ACYP2: variants seen among roughly 807,000 people sequenced by gnomAD.
The protein encoded by ACYP2 is acylphosphatase-2.
ACYP2 carries 12 observed loss-of-function variants against 11.2 expected under a neutral mutation model. That is an observed-to-expected ratio of 1.08 (90% CI 0.69 to 1.74). The LOEUF (loss-of-function observed/expected upper bound fraction) is 1.74, where lower values mean the gene tolerates loss of function less well. ACYP2 is among the 40% of genes most tolerant of loss of function. The probability of loss-of-function intolerance (pLI) is 0.00; values close to 1 mark genes in which losing one functional copy is unlikely to be tolerated. For synonymous variants in ACYP2, 43 were observed against 32.2 expected (o/e 1.33, Z -1.13); for missense variants, 134 against 101.9 (o/e 1.31, Z -1.35).
chr2:54,044,006 G>A (rs925949086), intron 2 of ACYP2, among the ~76,000 whole-genome samples: 2 of 152,182 alleles, frequency 1.3e-5, no homozygotes, highest in Admixed American at 6.5e-5. Context: ...AGAAGAGCAA[G>A]GGAAAGGAGA....
rs75035311 is a variant in ACYP2, at chr2:54,187,316, T to C, written c.404+48568T>C. 8.0e-3 allele frequency among the ~76,000 whole-genome samples: 1,216 copies of C among 152,282 alleles called. 13 individuals are homozygous for C. Among genetic ancestry groups the C allele is most frequent in the African/African-American group, 0.028 (1,153 of 41,550 alleles). ...TCAGGGATGTCATTGGCGTGATCCA[T>C]GGTGGCAGGCCTTGGGGAACCCAAG... On this transcript the variant is annotated intron_variant, in intron 6 of 6. Transcript: ENST00000607452.
intron 2 of ACYP2, among the ~76,000 whole-genome samples, chr2:53,977,307 A>T (rs958984780): frequency 1.3e-5 from 2 of 152,058 alleles, no homozygotes; most frequent in Non-Finnish European, 2.9e-5. Flanking sequence ...AGCCTCCCAA[A>T]GCGCTGGAAT....
At chr2:54,158,393 A>G (rs575325818) in intron 6 of ACYP2, among the ~76,000 whole-genome samples, 3 of 151,426 alleles carry the variant, frequency 2.0e-5, no homozygotes, top group Admixed American at 1.3e-4. Flanking sequence ...TTTTGTAGAG[A>G]CGGGGTCTCA....
At chr2:54,022,025 T>G (rs879748805) in intron 2 of ACYP2, among the ~76,000 whole-genome samples, 1 of 152,182 alleles carries the variant, frequency 6.6e-6, no homozygotes, top group Admixed American at 6.5e-5. Flanking sequence ...ACCAGTGGTA[T>G]TACTGAGCTT....
At position 54,201,680 on chromosome 2, in the gene ACYP2, T is replaced by TTCTTTCTTTCTTTCTTTCTTTC. The variant is rs1395606887; in HGVS notation, c.404+62935_404+62936insTTCTTTCTTTCTTTCTTTCTCT. On this transcript the variant is annotated intron_variant, in intron 6 of 6. Transcript: ENST00000607452. Reference sequence around the variant, plus strand: ...TTTCTTTCTTTCTTTCTTTCTTTCTTTCTCTCTCTCTCTCTCTCTTTTTTC... The same window carrying TTCTTTCTTTCTTTCTTTCTTTC: ...TTTCTTTCTTTCTTTCTTTCTTTCTTTCTTTCTTTCTTTCTTTCTTTCTCTCTCTCTCTCTCTCTCTTTTTTC... 3.7e-4 allele frequency among the ~76,000 whole-genome samples: 40 copies of TTCTTTCTTTCTTTCTTTCTTTC among 107,354 alleles called. 1 individual carries two copies. Among genetic ancestry groups the TTCTTTCTTTCTTTCTTTCTTTC allele is most frequent in the Admixed American group, 7.2e-4 (8 of 11,122 alleles). 70.4% of individuals were successfully genotyped at this position (107,354 alleles called of 152,430 possible). A position where few individuals can be genotyped will look rare whatever the true frequency, so the allele number is the denominator to read the frequency against.
At chr2:54,271,376 T>G (rs565220364) in intron 6 of ACYP2, among the ~76,000 whole-genome samples, 1 of 152,212 alleles carries the variant, frequency 6.6e-6, no homozygotes, top group Non-Finnish European at 1.5e-5. Flanking sequence ...ATCACTATTG[T>G]AGAACCTACG....
intron 2 of ACYP2, among the ~76,000 whole-genome samples, chr2:54,044,604 T>C (rs1675418331): frequency 6.7e-6 from 1 of 148,982 alleles, no homozygotes; most frequent in Non-Finnish European, 1.5e-5. Flanking sequence ...TGCCCGCCCC[T>C]CTCAAAAAAA....
At chr2:54,122,640 T>C (rs1680228276) in intron 4 of ACYP2, among the ~76,000 whole-genome samples, 1 of 152,224 alleles carries the variant, frequency 6.6e-6, no homozygotes, top group Non-Finnish European at 1.5e-5. Context: ...TTTCTTTCTA[T>C]ATAGATATCT....
chr2:54,082,142 A>G (rs1042547173), intron 4 of ACYP2, among the ~76,000 whole-genome samples: 2 of 152,202 alleles, frequency 1.3e-5, no homozygotes, highest in Non-Finnish European at 2.9e-5. Flanking sequence ...GGGATGCAAT[A>G]TTAAGGATCT....
At chr2:54,065,425 A>C in intron 4 of ACYP2, 1 of 398,560 alleles carries the variant, frequency 2.5e-6, no homozygotes. Flanking sequence ...AACTTGTTGG[A>C]GTTGGATGAC....
At chr2:53,994,069 G>C (rs766140444) in intron 2 of ACYP2, among the ~76,000 whole-genome samples, 13 of 151,994 alleles carry the variant, frequency 8.6e-5, no homozygotes, top group African/African-American at 2.9e-4. Flanking sequence ...AGTGGCTCAC[G>C]CCTGTAATCC....
chr2:54,159,501 C>T (rs542844790), intron 6 of ACYP2, among the ~76,000 whole-genome samples: 2 of 151,992 alleles, frequency 1.3e-5, no homozygotes, highest in Non-Finnish European at 2.9e-5. Flanking sequence ...AGCCACCGCA[C>T]CCAGCCAGGA....
intron 4 of ACYP2, among the ~76,000 whole-genome samples, chr2:54,077,167 A>G (rs1352063432): frequency 6.6e-6 from 1 of 152,222 alleles, no homozygotes; most frequent in Non-Finnish European, 1.5e-5. Flanking sequence ...ACAAAATAGA[A>G]CAAGGTTGAA....
At chr2:54,085,815 C>A (rs1316027635) in intron 4 of ACYP2, among the ~76,000 whole-genome samples, 1 of 152,064 alleles carries the variant, frequency 6.6e-6, no homozygotes, top group Admixed American at 6.6e-5. Flanking sequence ...TTAATTATAT[C>A]ATTCTTTCAA....
intron 6 of ACYP2, among the ~76,000 whole-genome samples, chr2:54,238,528 T>G (rs1415908546): frequency 6.6e-6 from 1 of 152,140 alleles, no homozygotes; most frequent in Non-Finnish European, 1.5e-5. Flanking sequence ...ATCTTTCGAA[T>G]GTAAAGATAG....
chr2:54,201,478 A>G (rs1363788684), intron 6 of ACYP2, among the ~76,000 whole-genome samples: 1 of 152,060 alleles, frequency 6.6e-6, no homozygotes, highest in East Asian at 1.9e-4. Context: ...TATCAGATAT[A>G]GAATTTGCAA....
intron 6 of ACYP2, among the ~76,000 whole-genome samples, chr2:54,161,842 A>G (rs1248268752): frequency 2.0e-5 from 3 of 152,192 alleles, no homozygotes; most frequent in African/African-American, 2.4e-5. Flanking sequence ...TTGTGTGTAT[A>G]AGTAATAACC....
chr2:54,092,729 G>A (rs1487540296), intron 4 of ACYP2, among the ~76,000 whole-genome samples: 1 of 152,162 alleles, frequency 6.6e-6, no homozygotes, highest in African/African-American at 2.4e-5. Context: ...AATTTCAAAT[G>A]GGGTGAACTT....
At chr2:54,242,638 T>C (rs756932214) in intron 6 of ACYP2, among the ~76,000 whole-genome samples, 5 of 152,254 alleles carry the variant, frequency 3.3e-5, no homozygotes, top group Admixed American at 6.5e-5. Context: ...TATGTTTAGA[T>C]ACACAAATGT....
Sources: gnomAD v4.1 joint callset for allele counts (sites outside exome capture counted in the v4.1 genomes callset) on GRCh38, gnomAD v4.1.1 for gene constraint, MANE v1.5 for transcripts, NCBI Gene and HGNC (gene_info 2026-07-23, HGNC 2026-07-21) for gene names.